BCAS4: variants seen among roughly 807,000 people sequenced by gnomAD.
BCAS4 encodes breast carcinoma-amplified sequence 4.
In BCAS4, 9 loss-of-function variants were observed where a neutral mutation model predicts 15.7. That is an observed-to-expected ratio of 0.57 (90% CI 0.34 to 1.00). The LOEUF is 1.00. BCAS4 is among the 50% of genes least tolerant of loss of function. The pLI is 0.02. For synonymous variants in BCAS4, 101 were observed against 99.5 expected (o/e 1.02, Z -0.09); for missense variants, 225 against 239.1 (o/e 0.94, Z 0.39).
At chr20:50,852,185 T>C (rs1012591177) in intron 4 of BCAS4, among the ~76,000 whole-genome samples, 11 of 152,176 alleles carry the variant, frequency 7.2e-5, no homozygotes, top group African/African-American at 2.4e-4. Context: ...GCCCATTTGA[T>C]TCCAGAGTCC....
chr20:50,853,230 C>T (rs975707964), intron 4 of BCAS4, among the ~76,000 whole-genome samples: 2 of 150,436 alleles, frequency 1.3e-5, no homozygotes, highest in African/African-American at 2.5e-5. Flanking sequence ...CTGCAACCTC[C>T]GCCTCCCGGG....
intron 4 of BCAS4, chr20:50,876,159 C>T (rs1363555491): frequency 5.1e-6 from 2 of 390,328 alleles, no homozygotes; most frequent in East Asian, 1.4e-4. Flanking sequence ...CTGTGTTGGC[C>T]AGGCTGGCCT....
chr20:50,882,235 C>T, the BCAS4 span: 1 of 151,996 alleles, frequency 6.6e-6, no homozygotes, highest in East Asian at 1.9e-4. Flanking sequence ...CCCAGTAATT[C>T]CACCCCTAGG....
At chr20:50,848,574 A>T (rs1322649400) in intron 4 of BCAS4, among the ~76,000 whole-genome samples, 4 of 152,210 alleles carry the variant, frequency 2.6e-5, no homozygotes, top group Admixed American at 2.0e-4. Flanking sequence ...ATTTAACACT[A>T]TTCTAAGGGC....
chr20:50,801,460 A>T (rs2087925876), intron 1 of BCAS4, among the ~76,000 whole-genome samples: 1 of 151,798 alleles, frequency 6.6e-6, no homozygotes, highest in Non-Finnish European at 1.5e-5. Context: ...TCTTAGGGGG[A>T]CTCCAGGGTA....
chr20:50,814,698 C>T (rs1409908308), intron 1 of BCAS4, among the ~76,000 whole-genome samples: 1 of 152,230 alleles, frequency 6.6e-6, no homozygotes, highest in Non-Finnish European at 1.5e-5. Flanking sequence ...CCTCTCTGAT[C>T]CTCTGTTTCT....
chr20:50,796,488 T>TATATATA (rs1491488277), intron 1 of BCAS4, among the ~76,000 whole-genome samples: 1 of 4,248 alleles, frequency 2.4e-4, no homozygotes, highest in Non-Finnish European at 5.1e-4. Context: ...TATATATATA[T>TATATATA]TTTTTTTTTT....
chr20:50,845,638 C>G (rs576466702), intron 4 of BCAS4, among the ~76,000 whole-genome samples: 2 of 152,316 alleles, frequency 1.3e-5, no homozygotes, highest in South Asian at 4.1e-4. Context: ...TTTGAGGCCT[C>G]CCCCGACCCC....
intron 4 of BCAS4, among the ~76,000 whole-genome samples, chr20:50,861,005 A>AG (rs1979037904): frequency 6.6e-6 from 1 of 151,982 alleles, no homozygotes. Context: ...TGGAAAAAAA[A>AG]AAAAAAAAGT....
At chr20:50,813,604 G>GT (rs1394192829) in intron 1 of BCAS4, among the ~76,000 whole-genome samples, 1 of 147,350 alleles carries the variant, frequency 6.8e-6, no homozygotes, top group Non-Finnish European at 1.5e-5. Flanking sequence ...GTGCTCCGAA[G>GT]TATTTGGCCT....
At chr20:50,796,244 G>A (rs1326294266) in intron 1 of BCAS4, among the ~76,000 whole-genome samples, 2 of 146,324 alleles carry the variant, frequency 1.4e-5, no homozygotes, top group African/African-American at 5.0e-5. Flanking sequence ...TTAGCCGGGT[G>A]TGTAATCCCA....
Position 50,876,904 on chromosome 20 carries a change from T to C in BCAS4, c.*296T>C, listed in dbSNP as rs2295720. 10,685 of 231,400 alleles carry C rather than the reference T, an allele frequency of 0.046. 308 individuals carry two copies. The highest frequency in any genetic ancestry group is 0.086 in the East Asian group (783 of 9,074). 14.3% of individuals were successfully genotyped at this position (231,400 alleles called of 1,614,324 possible). A position where few individuals can be genotyped will look rare whatever the true frequency, so the allele number is the denominator to read the frequency against. On this transcript the variant is annotated 3_prime_UTR_variant, in exon 5 of 5. Coordinates refer to ENST00000371608, the MANE Select transcript of BCAS4 (RefSeq NM_198799.4). ...GAGACCACAGGGTTTGGAGAAGCAGTTGGAACCCACGTGTGGTGATGCCTC... is the reference window on the plus strand; with the variant it reads ...GAGACCACAGGGTTTGGAGAAGCAGCTGGAACCCACGTGTGGTGATGCCTC...
intron 4 of BCAS4, among the ~76,000 whole-genome samples, chr20:50,866,921 C>T (rs1041608366): frequency 6.6e-6 from 1 of 152,210 alleles, no homozygotes; most frequent in African/African-American, 2.4e-5. Context: ...TGTGACCTTT[C>T]AGGTCCCATC....
At chr20:50,814,418 C>T (rs1041231036) in intron 1 of BCAS4, among the ~76,000 whole-genome samples, 2 of 152,258 alleles carry the variant, frequency 1.3e-5, no homozygotes, top group Non-Finnish European at 2.9e-5. Flanking sequence ...TCTCAAGTAG[C>T]TGAGACCACA....
At chr20:50,842,628 G>A (rs1311185135) in intron 4 of BCAS4, among the ~76,000 whole-genome samples, 1 of 152,234 alleles carries the variant, frequency 6.6e-6, no homozygotes, top group African/African-American at 2.4e-5. Flanking sequence ...ATGTTGGCCA[G>A]GCTGGTCTCG....
intron 3 of BCAS4, among the ~76,000 whole-genome samples, chr20:50,830,844 T>C (rs2088334723): frequency 6.6e-6 from 1 of 152,104 alleles, no homozygotes; most frequent in South Asian, 2.1e-4. Context: ...AGCAAGATCC[T>C]GTCTCAAAAC....
intron 4 of BCAS4, among the ~76,000 whole-genome samples, chr20:50,869,741 G>A (rs1305917540): frequency 8.4e-6 from 1 of 118,460 alleles, no homozygotes; most frequent in African/African-American, 3.4e-5. Context: ...GCCTGGCACT[G>A]CTTTTTTTTT....
chr20:50,856,762 C>G (rs1449089624), intron 4 of BCAS4, among the ~76,000 whole-genome samples: 1 of 152,168 alleles, frequency 6.6e-6, no homozygotes, highest in African/African-American at 2.4e-5. Flanking sequence ...ATCTTTGTGC[C>G]TGACATGTGG....
chr20:50,818,531 T>C (rs1600857793), intron 2 of BCAS4, among the ~76,000 whole-genome samples: 1 of 152,218 alleles, frequency 6.6e-6, no homozygotes, highest in Non-Finnish European at 1.5e-5. Context: ...GAGATGGTTT[T>C]TATTCCGCAG....
Sources: gnomAD v4.1 joint callset for allele counts (sites outside exome capture counted in the v4.1 genomes callset) on GRCh38, gnomAD v4.1.1 for gene constraint, MANE v1.5 for transcripts, NCBI Gene and HGNC (gene_info 2026-07-23, HGNC 2026-07-21) for gene names.